The following CDH4 variants were observed in gnomAD, a reference collection of about 807,000 sequenced individuals.
The protein encoded by CDH4 is cadherin-4.
In CDH4, 33 loss-of-function variants were observed where a neutral mutation model predicts 86.0. The observed-to-expected ratio is 0.38, with a 90% CI of 0.29 to 0.51. The LOEUF is 0.51. Ranked by LOEUF, CDH4 falls within the 20% of genes least tolerant of loss-of-function variation. The pLI, the probability that CDH4 is intolerant of heterozygous loss-of-function variation, is 0.86. For synonymous variants in CDH4, 555 were observed against 549.4 expected (o/e 1.01, Z -0.14); for missense variants, 1,114 against 1,307.4 (o/e 0.85, Z 2.28).
At chr20:61,643,539 G>T (rs963805719) in intron 2 of CDH4, among the ~76,000 whole-genome samples, 1 of 152,234 alleles carries the variant, frequency 6.6e-6, no homozygotes, top group Non-Finnish European at 1.5e-5. Context: ...CCCTGAGTGT[G>T]TCAGGGGACC....
In CDH4 at chr20:61,811,641, G is replaced by A. The variant is rs1220132813; in HGVS notation, c.577-33027G>A. Among the ~76,000 whole-genome samples the A allele has an allele frequency of 6.7e-6, 1 of 149,138 alleles. No homozygotes were observed. On this transcript the variant is annotated intron_variant, in intron 4 of 15. Coordinates refer to ENST00000614565, the MANE Select transcript of CDH4 (RefSeq NM_001794.5). This position sits in a 1 kb window ranked among gnomAD's most constrained non-coding sequence, Gnocchi z 4.4. ...CCCAGCCACTGCCACCCGGGGTCAC[G>A]CCCCTGCCACCCGGGGTCACGCCCC...
At position 61,364,797 on chromosome 20, in the gene CDH4, C is replaced by T. The variant is rs531097760; in HGVS notation, c.169+109860C>T. Among the ~76,000 whole-genome samples the T allele has an allele frequency of 6.6e-5, 10 of 152,312 alleles. No individual in the cohort carries two copies. The South Asian group carries it at 1.0e-3, about 16-fold the overall frequency. On this transcript the variant is annotated intron_variant, in intron 2 of 15. Coordinates refer to ENST00000614565, the MANE Select transcript of CDH4 (RefSeq NM_001794.5). ...ATGATGAGGCTGCCTCAGCAGAAGACGATGAGAATTTAGAAGAGTTGCAAG... is the reference window on the plus strand; with the variant it reads ...ATGATGAGGCTGCCTCAGCAGAAGATGATGAGAATTTAGAAGAGTTGCAAG...
intron 2 of CDH4, among the ~76,000 whole-genome samples, chr20:61,321,123 C>T (rs1393214982): frequency 3.3e-5 from 5 of 152,190 alleles, no homozygotes; most frequent in Non-Finnish European, 4.4e-5. Context: ...CGCACATTTC[C>T]ACCTCGAGAG....
intron 9 of CDH4, among the ~76,000 whole-genome samples, chr20:61,918,081 G>C (rs1040477005): frequency 2.0e-5 from 3 of 152,266 alleles, no homozygotes; most frequent in African/African-American, 7.2e-5. Context: ...GAGGGCCTGG[G>C]GGGGCAGCTG....
At position 61,877,508 on chromosome 20, in the gene CDH4, C is replaced by T. The variant is rs752719356; in HGVS notation, c.1050+3608C>T. ...GGAACATGAGGAGACGCTGGTGTTG[C>T]GGGCGCTGGCGTTCTCCGCTGTGTG... On this transcript the variant is annotated intron_variant, in intron 7 of 15. Transcript: ENST00000614565. Among the ~76,000 whole-genome samples the T allele has an allele frequency of 1.2e-3, 178 of 152,234 alleles. 1 individual carries two copies. Among genetic ancestry groups the T allele is most frequent in the Non-Finnish European group, 2.0e-3 (139 of 68,010 alleles).
intron 2 of CDH4, among the ~76,000 whole-genome samples, chr20:61,625,338 G>GT (rs898736668): frequency 2.4e-4 from 36 of 151,722 alleles, no homozygotes; most frequent in South Asian, 1.5e-3. Flanking sequence ...TATTTAAGGA[G>GT]TTTTTTTTTC....
At chr20:61,706,237 T>A (rs1427978082) in intron 2 of CDH4, among the ~76,000 whole-genome samples, 1 of 152,064 alleles carries the variant, frequency 6.6e-6, no homozygotes, top group Non-Finnish European at 1.5e-5. Context: ...TCAGAGGGTC[T>A]GGGCAGCTTT....
intron 8 of CDH4, among the ~76,000 whole-genome samples, chr20:61,896,602 G>A (rs771001529): frequency 1.3e-5 from 2 of 152,234 alleles, no homozygotes; most frequent in African/African-American, 2.4e-5. Context: ...GCATTTAACC[G>A]GGCGCAGCCC....
chr20:61,923,317 G>A, intron 9 of CDH4, 134 bp from the exon 10 acceptor site: 3 of 893,830 alleles, frequency 3.4e-6, no homozygotes, highest in Non-Finnish European at 5.3e-6. Context: ...GGGGCCTCCT[G>A]GCTAAAGAGC....
intron 11 of CDH4, among the ~76,000 whole-genome samples, chr20:61,925,482 A>G (rs921868720): frequency 2.6e-5 from 4 of 152,204 alleles, no homozygotes; most frequent in Non-Finnish European, 5.9e-5. Context: ...ACACTGAGGA[A>G]GGGCCTGGCT....
intron 2 of CDH4, among the ~76,000 whole-genome samples, chr20:61,460,880 A>AT (rs2085438127): frequency 6.6e-6 from 1 of 152,088 alleles, no homozygotes; most frequent in South Asian, 2.1e-4. Context: ...TGTGAATGAT[A>AT]TTACTGTTAT....
intron 2 of CDH4, among the ~76,000 whole-genome samples, chr20:61,265,073 A>C (rs1251494767): frequency 7.0e-6 from 1 of 142,720 alleles, no homozygotes; most frequent in African/African-American, 2.6e-5. Context: ...CCTTCATTCA[A>C]TCTTACACAT....
At chr20:61,877,666 G>T (rs1984092431) in intron 7 of CDH4, among the ~76,000 whole-genome samples, 1 of 152,146 alleles carries the variant, frequency 6.6e-6, no homozygotes, top group Non-Finnish European at 1.5e-5. Context: ...AGGTTGTGTG[G>T]TTATTTTCCT....
chr20:61,800,298 C>T (rs1254876297), intron 4 of CDH4, among the ~76,000 whole-genome samples: 1 of 152,232 alleles, frequency 6.6e-6, no homozygotes, highest in Non-Finnish European at 1.5e-5. Flanking sequence ...GAGCTCCTCG[C>T]CCCATGACCG....
At chr20:61,872,133 C>T (rs925864245) in intron 6 of CDH4, among the ~76,000 whole-genome samples, 6 of 152,294 alleles carry the variant, frequency 3.9e-5, no homozygotes, top group African/African-American at 7.2e-5. Context: ...AGCATGAGGC[C>T]GCCCCGCACC....
At chr20:61,539,940 C>A (rs923024704) in intron 2 of CDH4, among the ~76,000 whole-genome samples, 3 of 152,230 alleles carry the variant, frequency 2.0e-5, no homozygotes, top group Admixed American at 1.3e-4. Flanking sequence ...TGTGTGCTCA[C>A]CACATTCCCT....
At chr20:61,710,871 A>G (rs1235742354) in intron 2 of CDH4, among the ~76,000 whole-genome samples, 2 of 152,188 alleles carry the variant, frequency 1.3e-5, no homozygotes, top group African/African-American at 2.4e-5. Flanking sequence ...GCCCTCATGA[A>G]GCGCGCCTGC....
At chr20:61,599,469 C>T (rs1403695761) in intron 2 of CDH4, among the ~76,000 whole-genome samples, 1 of 150,548 alleles carries the variant, frequency 6.6e-6, no homozygotes, top group East Asian at 1.9e-4. Flanking sequence ...AAGGGCTTTC[C>T]AAAGGCCGAC....
chr20:61,343,332 C>CA (rs1324158708), intron 2 of CDH4, among the ~76,000 whole-genome samples: 1 of 152,058 alleles, frequency 6.6e-6, no homozygotes, highest in African/African-American at 2.4e-5. Context: ...CAGTCCTTGC[C>CA]AAAAAATGAT....
Sources: gnomAD v4.1 joint callset for allele counts (sites outside exome capture counted in the v4.1 genomes callset) on GRCh38, gnomAD v4.1.1 for gene constraint, Gnocchi (gnomAD v3.1) non-coding constraint, MANE v1.5 for transcripts, NCBI Gene and HGNC (gene_info 2026-07-23, HGNC 2026-07-21) for gene names.